MC2R: variants seen among roughly 807,000 people sequenced by gnomAD.
The protein encoded by MC2R is adrenocorticotropic hormone receptor.
MC2R carries 9 observed loss-of-function variants against 9.8 expected under a neutral mutation model. That is an observed-to-expected ratio of 0.92 (90% CI 0.55 to 1.60). The LOEUF (loss-of-function observed/expected upper bound fraction) is 1.60. Among genes scored for constraint, MC2R ranks in the 40% most tolerant of loss-of-function variants. MC2R has a pLI of 0.00. For missense variants in MC2R, 370 were observed against 389.0 expected, an observed-to-expected ratio of 0.95 and a Z score of 0.41; for synonymous variants, 185 against 154.7, an observed-to-expected ratio of 1.20 and a Z score of -1.45.
At chr18:13,896,093 C>T (rs1488510646) in intron 1 of MC2R, among the ~76,000 whole-genome samples, 1 of 152,054 alleles carries the variant, frequency 6.6e-6, no homozygotes, top group Non-Finnish European at 1.5e-5. Flanking sequence ...TACATAAGGT[C>T]TATGTCAAAA....
chr18:13,909,513 C>A (rs972135911), intron 1 of MC2R, among the ~76,000 whole-genome samples: 2 of 152,208 alleles, frequency 1.3e-5, no homozygotes, highest in African/African-American at 4.8e-5. Flanking sequence ...TCTACATAAT[C>A]CATTTGGAGT....
chr18:13,900,241 A>G (rs1232207569), intron 1 of MC2R, among the ~76,000 whole-genome samples: 3 of 152,126 alleles, frequency 2.0e-5, no homozygotes, highest in Non-Finnish European at 2.9e-5. Context: ...GGTAACCTCA[A>G]ACCAAAAAAC....
At position 13,884,969 on chromosome 18, in the gene MC2R, G is replaced by A. The variant is rs1223534728; in HGVS notation, c.550C>T (p.Leu184=). ...AGGCACAGGATGAAGACCAGCATCAGCGGGAACAGCGACGTGAAGGTGATC... is the reference window on the plus strand; with the variant it reads ...AGGCACAGGATGAAGACCAGCATCAACGGGAACAGCGACGTGAAGGTGATC... ...TVITFTSLFP[L]MLVFILCLYV... is the part of the protein sequence containing the mutation. The change falls in exon 2 of 2, where the codon CTG becomes TTG. Residue 184 remains leucine, a synonymous_variant. Coordinates refer to ENST00000327606, the MANE Select transcript of MC2R (RefSeq NM_000529.2). 2 of 1,614,160 alleles carry A rather than the reference G, an allele frequency of 1.2e-6. No homozygotes were observed. The highest frequency in any genetic ancestry group is 2.2e-5 in the South Asian group (2 of 91,074).
At chr18:13,904,888 A>G (rs1208803808) in intron 1 of MC2R, among the ~76,000 whole-genome samples, 1 of 152,190 alleles carries the variant, frequency 6.6e-6, no homozygotes, top group Non-Finnish European at 1.5e-5. Flanking sequence ...TACCTTATAC[A>G]AGACGAATTA....
Position 13,883,849 on chromosome 18 carries a change from C to T in MC2R, c.*776G>A, listed in dbSNP as rs1281332852. The T allele has an allele frequency of 2.0e-5, 3 of 152,300 alleles. No homozygotes were observed. The highest frequency in any genetic ancestry group is 6.5e-5 in the Admixed American group (1 of 15,298). The allele number at this position is 152,300 out of a possible 1,614,324, so 9.4% of individuals were successfully genotyped here. ...CATTTCTTCCTTTGAAATGTATGCT[C>T]ATAAAGCATGAGGAAATGTAACAGG... On this transcript the variant is annotated 3_prime_UTR_variant, in exon 2 of 2. Coordinates refer to ENST00000327606, the MANE Select transcript of MC2R (RefSeq NM_000529.2).
intron 1 of MC2R, among the ~76,000 whole-genome samples, chr18:13,902,180 C>T (rs765408603): frequency 6.6e-6 from 1 of 151,992 alleles, no homozygotes; most frequent in Non-Finnish European, 1.5e-5. Flanking sequence ...GCTGAAAAAG[C>T]GTTTGGTAAA....
At chr18:13,886,499 C>A (rs545547960) in intron 1 of MC2R, among the ~76,000 whole-genome samples, 3 of 152,152 alleles carry the variant, frequency 2.0e-5, no homozygotes, top group South Asian at 4.1e-4. Context: ...GACTGGGAGG[C>A]GGTGGCTGGG....
intron 1 of MC2R, among the ~76,000 whole-genome samples, chr18:13,913,163 G>A (rs962065735): frequency 2.9e-5 from 4 of 136,814 alleles, no homozygotes; most frequent in Non-Finnish European, 6.2e-5. Flanking sequence ...CTCACAGCTA[G>A]GGAGGCATGA....
intron 1 of MC2R, among the ~76,000 whole-genome samples, chr18:13,915,178 T>C (rs1018816900): frequency 3.3e-5 from 5 of 152,300 alleles, no homozygotes; most frequent in African/African-American, 1.2e-4. Flanking sequence ...TCACCCCTAA[T>C]TCTATTAGGA....
chr18:13,915,070 C>T (rs1177189313), intron 1 of MC2R, among the ~76,000 whole-genome samples: 1 of 152,174 alleles, frequency 6.6e-6, no homozygotes, highest in Non-Finnish European at 1.5e-5. Context: ...CGCATGCCCA[C>T]GTCTTTGTGG....
chr18:13,895,290 T>C (rs1363032210), intron 1 of MC2R, among the ~76,000 whole-genome samples: 1 of 152,200 alleles, frequency 6.6e-6, no homozygotes, highest in South Asian at 2.1e-4. Flanking sequence ...GAGTTAAAAT[T>C]TTATGGGAAA....
chr18:13,913,137 GA>G (rs776132966), intron 1 of MC2R, among the ~76,000 whole-genome samples: 8 of 152,008 alleles, frequency 5.3e-5, no homozygotes, highest in Non-Finnish European at 8.8e-5. Flanking sequence ...CCCGAGAATG[GA>G]AGCTTTTGCA....
Position 13,882,745 on chromosome 18 carries a change from A to G in MC2R, c.*1880T>C, listed in dbSNP as rs1287513255. 6.6e-6 allele frequency: 1 copy of G among 152,264 alleles called. No individual in the cohort carries two copies. Among genetic ancestry groups the G allele is most frequent in the Non-Finnish European group, 1.5e-5 (1 of 68,042 alleles). 9.4% of individuals were successfully genotyped at this position (152,264 alleles called of 1,614,324 possible). A position where few individuals can be genotyped will look rare whatever the true frequency, so the allele number is the denominator to read the frequency against. On this transcript the variant is annotated 3_prime_UTR_variant, in exon 2 of 2. Coordinates refer to ENST00000327606, the MANE Select transcript of MC2R (RefSeq NM_000529.2). ...TGAGAATACGCACTTTAATCACATA[A>G]AATATGTTATACATTACTTTTTCAA... is the stretch of plus-strand genomic sequence containing the variant.
In MC2R at chr18:13,883,621, ACACACACTCTCTCTCTCTCT is replaced by A. The variant is rs1345703532; in HGVS notation, c.*984_*1003del. On this transcript the variant is annotated 3_prime_UTR_variant, in exon 2 of 2. Coordinates refer to ENST00000327606, the MANE Select transcript of MC2R (RefSeq NM_000529.2). ...CACACACACACACACACACACACACACACACACTCTCTCTCTCTCTCTCTCTCTCTCTCTCTGTCTGTCTC... is the reference window on the plus strand; with the variant it reads ...CACACACACACACACACACACACACACTCTCTCTCTCTCTCTGTCTGTCTC... 9 of 76,080 alleles carry A rather than the reference ACACACACTCTCTCTCTCTCT, an allele frequency of 1.2e-4. No homozygotes were observed. The highest frequency in any genetic ancestry group is 3.3e-4 in the African/African-American group (6 of 18,274). 4.7% of individuals were successfully genotyped at this position (76,080 alleles called of 1,614,324 possible). A position where few individuals can be genotyped will look rare whatever the true frequency, so the allele number is the denominator to read the frequency against.
chr18:13,884,754 CAT>C lies in MC2R; in HGVS notation c.763_764del (p.Met255ValfsTer17). The C allele has an allele frequency of 6.2e-7, 1 of 1,614,018 alleles. No homozygotes were observed. The highest frequency in any genetic ancestry group is 8.5e-7 in the Non-Finnish European group (1 of 1,180,004). On this transcript the variant is annotated frameshift_variant, in exon 2 of 2. Transcript: ENST00000327606. LOFTEE classifies it high-confidence loss of function. Reference protein sequence around the residue: ...CPSNPYCACYMSLFQVNGMLI... With the variant: ...CPSNPYCACYXSLFQVNGMLI... ...ACATGCCGTTCACCTGGAAGAGAGA[CAT>C]GTAGCAGGCGCAGTAGGGGTTACTT...
At chr18:13,901,012 T>C (rs1263744771) in intron 1 of MC2R, among the ~76,000 whole-genome samples, 1 of 152,104 alleles carries the variant, frequency 6.6e-6, no homozygotes, top group African/African-American at 2.4e-5. Context: ...AAACAAGTCT[T>C]AAAACATTCA....
At chr18:13,888,503 G>A (rs767458041) in intron 1 of MC2R, among the ~76,000 whole-genome samples, 19 of 152,164 alleles carry the variant, frequency 1.2e-4, no homozygotes, top group Admixed American at 3.3e-4. Flanking sequence ...TTGGGCAAAC[G>A]CCCAAAGCCA....
chr18:13,907,445 T>C (rs1206032024), intron 1 of MC2R, among the ~76,000 whole-genome samples: 1 of 152,146 alleles, frequency 6.6e-6, no homozygotes. Flanking sequence ...TGGAAATGCT[T>C]CAAGACACTG....
Position 13,884,860 on chromosome 18 carries a change from G to A in MC2R, c.659C>T (p.Thr220Ile). The change falls in exon 2 of 2, where the codon ACA (threonine) becomes ATA (isoleucine). Residue 220 changes from threonine (T) to isoleucine (I), a missense_variant. Transcript: ENST00000327606. ...LPRANMKGAI[T>I]LTILLGVFIF... Reference sequence around the variant, plus strand: ...GAAGACCCCGAGCAGGATGGTCAGTGTGATGGCCCCTTTCATGTTGGCTCT... The same window carrying A: ...GAAGACCCCGAGCAGGATGGTCAGTATGATGGCCCCTTTCATGTTGGCTCT... 6.2e-7 allele frequency: 1 copy of A among 1,614,072 alleles called. No homozygotes were observed. The highest frequency in any genetic ancestry group is 1.1e-5 in the South Asian group (1 of 91,080).
Sources: allele counts gnomAD v4.1 joint callset (sites outside exome capture counted in the v4.1 genomes callset), GRCh38; gene constraint gnomAD v4.1.1; transcripts MANE v1.5; gene names NCBI Gene and HGNC (gene_info 2026-07-23, HGNC 2026-07-21).